PPP2R2C: variants seen among roughly 807,000 people sequenced by gnomAD.
PPP2R2C encodes the protein protein phosphatase 2, regulatory subunit B, gamma.
In PPP2R2C, 10 loss-of-function variants were observed where a neutral mutation model predicts 45.3. The observed-to-expected ratio is 0.22, with a 90% CI of 0.14 to 0.37. The LOEUF is 0.37. PPP2R2C is among the 10% of genes least tolerant of loss of function. The probability of loss-of-function intolerance (pLI) is 1.00; values close to 1 mark genes in which losing one functional copy is unlikely to be tolerated. For synonymous variants in PPP2R2C, 257 were observed against 245.4 expected (o/e 1.05, Z -0.44); for missense variants, 308 against 619.7 (o/e 0.50, Z 5.34).
At chr4:6,383,882 T>C in intron 1 of PPP2R2C, 3 of 989,684 alleles carry the variant, frequency 3.0e-6, no homozygotes, top group South Asian at 4.6e-5. Context: ...GGACAGCTCC[T>C]GGCCTGCCCT....
At chr4:6,450,146 C>T (rs1287672783) in intron 1 of PPP2R2C, among the ~76,000 whole-genome samples, 4 of 152,206 alleles carry the variant, frequency 2.6e-5, no homozygotes, top group Admixed American at 2.6e-4. Context: ...AATCCCAATT[C>T]CAGCATCCCT....
At chr4:6,481,365 C>CT (rs1722341661) in intron 2 of PPP2R2C, among the ~76,000 whole-genome samples, 1 of 152,196 alleles carries the variant, frequency 6.6e-6, no homozygotes, top group African/African-American at 2.4e-5. Context: ...AAATTACATA[C>CT]TTTTTCCATA....
intron 5 of PPP2R2C, chr4:6,350,510 G>C (rs563984622): frequency 1.0e-6 from 1 of 985,436 alleles, no homozygotes; most frequent in Admixed American, 6.1e-5. Context: ...GCCCAGGAAC[G>C]TGAGTCCCAC....
At chr4:6,464,703 A>G (rs564336153) in intron 1 of PPP2R2C, among the ~76,000 whole-genome samples, 1 of 152,328 alleles carries the variant, frequency 6.6e-6, no homozygotes, top group African/African-American at 2.4e-5. Flanking sequence ...TAATCTGCCA[A>G]TGTGTGTCAA....
At chr4:6,461,096 T>C (rs6849513) in intron 1 of PPP2R2C, among the ~76,000 whole-genome samples, 150,306 of 152,216 alleles carry the variant, frequency 0.99, 74,239 homozygotes, top group East Asian at 1. Context: ...CACCTGGGCA[T>C]CACCTATTTG....
chr4:6,349,814 C>A, intron 5 of PPP2R2C: 1 of 894,926 alleles, frequency 1.1e-6, no homozygotes, highest in South Asian at 5.2e-5. Flanking sequence ...TCACGTGAAC[C>A]TGGGAGGTGG....
At chr4:6,425,973 C>G (rs1345350466) in intron 1 of PPP2R2C, among the ~76,000 whole-genome samples, 1 of 152,100 alleles carries the variant, frequency 6.6e-6, no homozygotes, top group East Asian at 1.9e-4. Flanking sequence ...TCCATCAGTA[C>G]CGGGCCAGGG....
In PPP2R2C at chr4:6,332,420, G is replaced by A. The variant is rs1204396028; in HGVS notation, c.960+1142C>T. Among the ~76,000 whole-genome samples the A allele has an allele frequency of 6.6e-6, 1 of 152,182 alleles. No individual in the cohort carries two copies. The highest frequency in any genetic ancestry group is 2.4e-5 in the African/African-American group (1 of 41,432). On this transcript the variant is annotated intron_variant, in intron 7 of 8. Coordinates refer to ENST00000382599, the MANE Select transcript of PPP2R2C (RefSeq NM_020416.4). The surrounding 1 kb of genome is among the most constrained non-coding windows in gnomAD (Gnocchi z 4.9). ...AGAACTCAAGTAAACACACGTGGCT[G>A]ACAAACAGGCGGTCCCCATAGCGGT...
chr4:6,551,161 A>G (rs1197773515), intron 1 of PPP2R2C, among the ~76,000 whole-genome samples: 1 of 152,210 alleles, frequency 6.6e-6, no homozygotes, highest in Non-Finnish European at 1.5e-5. Flanking sequence ...CACATGTGTA[A>G]GCTGGGGATA....
intron 5 of PPP2R2C, among the ~76,000 whole-genome samples, chr4:6,354,828 C>A (rs1388787565): frequency 7.9e-5 from 12 of 152,120 alleles, no homozygotes; most frequent in Admixed American, 7.9e-4. Flanking sequence ...CACAGCCCCC[C>A]ACAGCCAGGC....
intron 1 of PPP2R2C, among the ~76,000 whole-genome samples, chr4:6,458,493 C>G (rs1224005699): frequency 6.6e-6 from 1 of 152,150 alleles, no homozygotes; most frequent in Non-Finnish European, 1.5e-5. Flanking sequence ...CATGAGGGCT[C>G]CACCCTCACA....
intron 1 of PPP2R2C, among the ~76,000 whole-genome samples, chr4:6,436,183 G>A (rs150983859): frequency 1.3e-5 from 2 of 152,320 alleles, no homozygotes; most frequent in African/African-American, 4.8e-5. Flanking sequence ...CTCCAGAACT[G>A]TGAGAGATAA....
chr4:6,422,239 C>T (rs962656423), intron 1 of PPP2R2C, among the ~76,000 whole-genome samples: 1 of 152,172 alleles, frequency 6.6e-6, no homozygotes, highest in African/African-American at 2.4e-5. Context: ...GAGACAAGTG[C>T]CTCTGGGCTT....
In PPP2R2C at chr4:6,345,122, AAAC is replaced by A. The variant is rs1711716404; in HGVS notation, c.790+2721_790+2723del. Among the ~76,000 whole-genome samples the A allele has an allele frequency of 6.6e-6, 1 of 152,176 alleles. No homozygotes were observed. The highest frequency in any genetic ancestry group is 2.4e-5 in the African/African-American group (1 of 41,444). On this transcript the variant is annotated intron_variant, in intron 6 of 8. Transcript: ENST00000382599. This position sits in a 1 kb window ranked among gnomAD's most constrained non-coding sequence, Gnocchi z 5.3. ...GATGTTTCTGGATTTCCACCCCTAT[AAAC>A]AACAGGGTGCCAATGAAGCCCCATC... is the stretch of plus-strand genomic sequence containing the variant.
rs112733980 is a variant in PPP2R2C at position 6,483,514 on chromosome 4, T to A, written c.49+51757A>T. Among the ~76,000 whole-genome samples the A allele has an allele frequency of 4.2e-3, 647 of 152,268 alleles. 4 individuals are homozygous for A. The highest frequency in any genetic ancestry group is 0.014 in the African/African-American group (597 of 41,576). ...TATCTCATTGTAGTTTCAGTTTGCA[T>A]TACCCCCGTGACTAATGATGTTGCT... is the stretch of plus-strand genomic sequence containing the variant. On this transcript the variant is annotated intron_variant, in intron 2 of 9. Coordinates refer to the PPP2R2C transcript ENST00000506140.
chr4:6,422,691 A>C (rs766211075), intron 1 of PPP2R2C, among the ~76,000 whole-genome samples: 2 of 152,134 alleles, frequency 1.3e-5, no homozygotes, highest in Non-Finnish European at 2.9e-5. Context: ...TCCTCTTCTT[A>C]TAAGGACACA....
intron 2 of PPP2R2C, among the ~76,000 whole-genome samples, chr4:6,498,966 C>T (rs1722961283): frequency 6.6e-6 from 1 of 152,174 alleles, no homozygotes; most frequent in Non-Finnish European, 1.5e-5. Flanking sequence ...GTCCCTCTCC[C>T]TCTCCCTCTG....
Position 6,410,356 on chromosome 4 carries a change from C to CA in PPP2R2C, c.71-29263dup, listed in dbSNP as rs1353116768. ...GTATGCCCTCGTCACCCATCATGGA[C>CA]AAAGGGGACTCTCGACCCCTGACTC... On this transcript the variant is annotated intron_variant, in intron 1 of 8. Transcript: ENST00000382599. Among the ~76,000 whole-genome samples the CA allele has an allele frequency of 3.9e-5, 6 of 152,268 alleles. 1 individual carries two copies. Among genetic ancestry groups the CA allele is most frequent in the Admixed American group, 6.5e-5 (1 of 15,290 alleles).
chr4:6,446,169 TC>T (rs1328924792), intron 1 of PPP2R2C, among the ~76,000 whole-genome samples: 6 of 152,114 alleles, frequency 3.9e-5, no homozygotes. Context: ...CAGCACTTGA[TC>T]CACATGAACC....
Sources: allele counts gnomAD v4.1 joint callset (sites outside exome capture counted in the v4.1 genomes callset), GRCh38; gene constraint gnomAD v4.1.1; non-coding constraint Gnocchi (gnomAD v3.1); transcripts MANE v1.5; gene names NCBI Gene and HGNC (gene_info 2026-07-23, HGNC 2026-07-21).